Variants in CNBD1 observed in about 807,000 individuals in gnomAD.
CNBD1 encodes the protein cyclic nucleotide binding domain containing 1, also known as cyclic nucleotide-binding domain-containing protein 1.
CNBD1 carries 71 observed loss-of-function variants against 54.4 expected under a neutral mutation model. That is an observed-to-expected ratio of 1.30 (90% CI 1.08 to 1.59). The LOEUF (loss-of-function observed/expected upper bound fraction) is 1.59. Among genes scored for constraint, CNBD1 ranks in the 40% most tolerant of loss-of-function variants. The pLI is 0.00. For missense variants in CNBD1, 659 were observed against 518.0 expected (o/e 1.27, Z -2.64); for synonymous variants, 182 against 170.7 (o/e 1.07, Z -0.51).
intron 4 of CNBD1, among the ~76,000 whole-genome samples, chr8:87,070,039 C>A (rs1474136573): frequency 6.6e-6 from 1 of 152,068 alleles, no homozygotes; most frequent in Admixed American, 6.6e-5. Context: ...CCTCCACTCT[C>A]ATGTCAGAGA....
At chr8:87,018,099 C>T (rs1809405868) in intron 4 of CNBD1, among the ~76,000 whole-genome samples, 1 of 152,050 alleles carries the variant, frequency 6.6e-6, no homozygotes, top group Admixed American at 6.5e-5. Context: ...CAAAATTAGC[C>T]AGGCATGGTG....
At position 87,229,952 on chromosome 8, in the gene CNBD1, G is replaced by C. The variant is rs545468617; in HGVS notation, c.578-6967G>C. Among the ~76,000 whole-genome samples, 4 of 152,198 alleles carry C rather than the reference G, an allele frequency of 2.6e-5. No homozygotes were observed. The South Asian group carries it at 6.2e-4, about 24-fold the overall frequency. On this transcript the variant is annotated intron_variant, in intron 5 of 10. Coordinates refer to ENST00000518476, the MANE Select transcript of CNBD1 (RefSeq NM_173538.3). ...TGCTGTAAAGGAATACCTGAGACTG[G>C]GTAATTTATAAAGAAAAGAGTTTTA...
rs1352095630 is a variant in CNBD1 at position 87,322,530 on chromosome 8, T to C, written c.1043-29155T>C. On this transcript the variant is annotated intron_variant, in intron 8 of 10. Transcript: ENST00000518476. ...GTGAGATGATATCTCATAGTGGTTT[T>C]GATTTGCATTTCTCTGATGGCCAGT... 5.0e-5 allele frequency among the ~76,000 whole-genome samples: 6 copies of C among 121,142 alleles called. 1 individual carries two copies. In the South Asian group the frequency reaches 9.8e-4, roughly 20 times the overall value. The allele number at this position is 121,142 out of a possible 152,430, so 79.5% of individuals were successfully genotyped here.
chr8:87,379,109 A>T (rs1251268162), intron 10 of CNBD1, among the ~76,000 whole-genome samples: 28 of 151,540 alleles, frequency 1.8e-4, no homozygotes, highest in Admixed American at 1.7e-3. Context: ...AACAGGGACA[A>T]TTTGACTTCC....
chr8:86,986,032 G>A (rs755599656), intron 4 of CNBD1, among the ~76,000 whole-genome samples: 2 of 152,024 alleles, frequency 1.3e-5, no homozygotes, highest in Non-Finnish European at 2.9e-5. Context: ...CTGAGTTCAA[G>A]CAATTCTCCT....
At chr8:87,386,462 C>T (rs185097517), downstream of CNBD1, among the ~76,000 whole-genome samples, 52 of 152,034 alleles carry the variant, frequency 3.4e-4, no homozygotes, top group Non-Finnish European at 6.2e-4. Flanking sequence ...AACTATGTGA[C>T]GAATACACAA....
chr8:87,302,737 C>G (rs1266187496), intron 8 of CNBD1, among the ~76,000 whole-genome samples: 3 of 151,854 alleles, frequency 2.0e-5, no homozygotes, highest in Non-Finnish European at 4.4e-5. Flanking sequence ...TTAGAAAACC[C>G]CATCATCTCA....
chr8:86,882,438 T>C (rs1487513254), intron 1 of CNBD1, among the ~76,000 whole-genome samples: 2 of 151,960 alleles, frequency 1.3e-5, no homozygotes, highest in African/African-American at 4.8e-5. Context: ...ACATCACTGG[T>C]CATTAGAGAA....
intron 2 of CNBD1, among the ~76,000 whole-genome samples, chr8:87,396,860 G>A (rs1365752018): frequency 1.5e-5 from 2 of 132,202 alleles, no homozygotes; most frequent in Admixed American, 1.5e-4. Context: ...TGACTTCTTG[G>A]TTTTCTTTCT....
At chr8:87,140,339 AG>A (rs1812347086) in intron 4 of CNBD1, among the ~76,000 whole-genome samples, 1 of 152,206 alleles carries the variant, frequency 6.6e-6, no homozygotes. Context: ...TTGCAGAGAT[AG>A]GTTATAGATT....
chr8:87,371,238 A>G (rs945168092), intron 10 of CNBD1, among the ~76,000 whole-genome samples: 1 of 151,962 alleles, frequency 6.6e-6, no homozygotes. Context: ...TATGAACTTT[A>G]AAGTAGTTTT....
intron 4 of CNBD1, among the ~76,000 whole-genome samples, chr8:87,066,459 T>C (rs1372893270): frequency 6.6e-6 from 1 of 152,010 alleles, no homozygotes; most frequent in African/African-American, 2.4e-5. Context: ...TGTGCTAAGA[T>C]AGCCAACCCC....
At chr8:86,998,875 C>A (rs188011052) in intron 4 of CNBD1, among the ~76,000 whole-genome samples, 26 of 152,258 alleles carry the variant, frequency 1.7e-4, no homozygotes, top group African/African-American at 5.8e-4. Context: ...TTGCCTTATG[C>A]TGGACCCTCA....
intron 4 of CNBD1, among the ~76,000 whole-genome samples, chr8:86,977,209 A>C (rs910126196): frequency 6.6e-6 from 1 of 151,972 alleles, no homozygotes; most frequent in Non-Finnish European, 1.5e-5. Context: ...TAAAAATTCC[A>C]ACAAATTCTT....
intron 6 of CNBD1, among the ~76,000 whole-genome samples, chr8:87,272,611 T>C (rs1490569154): frequency 6.6e-6 from 1 of 151,990 alleles, no homozygotes; most frequent in Admixed American, 6.6e-5. Flanking sequence ...GCTCCCAAAA[T>C]GTATCATCTT....
rs761852236 is a variant in CNBD1 at position 87,092,543 on chromosome 8, GTA to G, written c.432-113437_432-113436del. ...TGTGTGTGTATGTATGTATGTGTGT[GTA>G]TATATATATATACACATATGTGTGT... On this transcript the variant is annotated intron_variant, in intron 4 of 10. Transcript: ENST00000518476. Among the ~76,000 whole-genome samples, 698 of 103,220 alleles carry G rather than the reference GTA, an allele frequency of 6.8e-3. 13 individuals carry two copies. Among genetic ancestry groups the G allele is most frequent in the African/African-American group, 0.024 (612 of 25,670 alleles). 67.7% of individuals were successfully genotyped at this position (103,220 alleles called of 152,430 possible).
chr8:86,972,252 A>T (rs1808241761), intron 4 of CNBD1, among the ~76,000 whole-genome samples: 1 of 152,146 alleles, frequency 6.6e-6, no homozygotes, highest in Non-Finnish European at 1.5e-5. Context: ...GCCTGGCCTA[A>T]ATAGAACATT....
At chr8:86,872,162 T>A (rs1406335063) in intron 1 of CNBD1, among the ~76,000 whole-genome samples, 1 of 152,184 alleles carries the variant, frequency 6.6e-6, no homozygotes, top group East Asian at 1.9e-4. Flanking sequence ...GTTATCATGC[T>A]GACAGGAAAA....
At chr8:87,152,211 A>G (rs112369068) in intron 4 of CNBD1, among the ~76,000 whole-genome samples, 5 of 152,218 alleles carry the variant, frequency 3.3e-5, no homozygotes, top group African/African-American at 1.2e-4. Context: ...TGACTATGGT[A>G]TTGATGGAGG....
Sources: allele counts gnomAD v4.1 joint callset (sites outside exome capture counted in the v4.1 genomes callset), GRCh38; gene constraint gnomAD v4.1.1; transcripts MANE v1.5; gene names NCBI Gene and HGNC (gene_info 2026-07-23, HGNC 2026-07-21).